Variants in EEA1 observed in about 807,000 individuals in gnomAD.
The protein encoded by EEA1 is early endosome antigen 1, also known as early endosome antigen 1, 162kD.
A neutral mutation model predicts 209.2 loss-of-function variants in EEA1; 111 were observed. The ratio of observed to expected loss-of-function variants is 0.53; its 90% confidence interval spans 0.45 to 0.62. EEA1 has a LOEUF of 0.62. EEA1 is among the 20% of genes least tolerant of loss of function. EEA1 has a pLI of 0.00. For missense variants in EEA1, 1,343 were observed against 1,530.8 expected, an observed-to-expected ratio of 0.88 and a Z score of 2.05; for synonymous variants, 536 against 540.6, an observed-to-expected ratio of 0.99 and a Z score of 0.12.
chr12:92,791,268 T>G (rs1874390584), intron 21 of EEA1, among the ~76,000 whole-genome samples: 1 of 152,074 alleles, frequency 6.6e-6, no homozygotes, highest in Non-Finnish European at 1.5e-5. Flanking sequence ...AATTCACACA[T>G]AACAATATTA....
chr12:92,828,538 C>T (rs1003566753), intron 11 of EEA1, among the ~76,000 whole-genome samples: 1 of 151,236 alleles, frequency 6.6e-6, no homozygotes, highest in African/African-American at 2.4e-5. Flanking sequence ...ATTCCCAAGT[C>T]CTCATACTGG....
chr12:92,803,517 C>A (rs1875039214), intron 18 of EEA1, among the ~76,000 whole-genome samples: 1 of 151,978 alleles, frequency 6.6e-6, no homozygotes, highest in African/African-American at 2.4e-5. Context: ...AACAGTATTT[C>A]TAGAATGCAC....
Position 92,773,062 on chromosome 12 carries a change from C to T in EEA1, c.*2949G>A, listed in dbSNP as rs1389879364. The T allele has an allele frequency of 6.6e-6, 1 of 152,128 alleles. No individual in the cohort carries two copies. Among genetic ancestry groups the T allele is most frequent in the East Asian group, 1.9e-4 (1 of 5,198 alleles). 9.4% of individuals were successfully genotyped at this position (152,128 alleles called of 1,614,324 possible). On this transcript the variant is annotated 3_prime_UTR_variant, in exon 29 of 29. Transcript: ENST00000322349. ...GTTATAATTACAGAATACCATTCATCAAGCTCATGTCTAGGAATACTATAA... is the reference window on the plus strand; with the variant it reads ...GTTATAATTACAGAATACCATTCATTAAGCTCATGTCTAGGAATACTATAA...
In EEA1 at chr12:92,771,399, T is replaced by A. The variant is rs1257380643; in HGVS notation, c.*4612A>T. On this transcript the variant is annotated 3_prime_UTR_variant, in exon 29 of 29. Transcript: ENST00000322349. ...ATGCAAACAAAGCAGTAAAGACAAGTGCAGCAGAAAGGCTTTTGTACAAGG... is the reference window on the plus strand; with the variant it reads ...ATGCAAACAAAGCAGTAAAGACAAGAGCAGCAGAAAGGCTTTTGTACAAGG... 1 of 151,964 alleles carries A rather than the reference T, an allele frequency of 6.6e-6. No individual in the cohort carries two copies. 9.4% of individuals were successfully genotyped at this position (151,964 alleles called of 1,614,324 possible). A position where few individuals can be genotyped will look rare whatever the true frequency, so the allele number is the denominator to read the frequency against.
At chr12:92,815,069 G>A (rs1320195966) in intron 15 of EEA1, among the ~76,000 whole-genome samples, 1 of 152,212 alleles carries the variant, frequency 6.6e-6, no homozygotes, top group South Asian at 2.1e-4. Context: ...CCTACTTTAT[G>A]AACTAACACT....
chr12:92,883,671 C>A, intron 2 of EEA1: 1 of 667,660 alleles, frequency 1.5e-6, no homozygotes, highest in South Asian at 2.1e-5. Flanking sequence ...CTCTATCTTA[C>A]TTTATCGTAA....
chr12:92,923,265 G>A (rs1241280092), intron 1 of EEA1, among the ~76,000 whole-genome samples: 2 of 151,616 alleles, frequency 1.3e-5, no homozygotes, highest in African/African-American at 4.8e-5. Flanking sequence ...GGAGAATGGC[G>A]TGAACCCGGG....
At chr12:92,902,541 G>A (rs1467610965) in intron 1 of EEA1, among the ~76,000 whole-genome samples, 3 of 152,156 alleles carry the variant, frequency 2.0e-5, no homozygotes, top group Admixed American at 6.5e-5. Context: ...AGGAGTTCGA[G>A]ACCAGCCTGG....
chr12:92,928,998 C>T, intron 1 of EEA1, 45 bp downstream of exon 1: 2 of 1,566,560 alleles, frequency 1.3e-6, no homozygotes, highest in Non-Finnish European at 1.7e-6. Context: ...CGAGCTCCGG[C>T]TGTCCCGCTC....
At chr12:92,873,939 CTT>C (rs886102058) in intron 2 of EEA1, among the ~76,000 whole-genome samples, 10 of 151,250 alleles carry the variant, frequency 6.6e-5, no homozygotes, top group Non-Finnish European at 1.2e-4. Flanking sequence ...ATGAGTTCAT[CTT>C]TTTTTTTAAC....
At chr12:92,845,925 T>C (rs540430888) in intron 9 of EEA1, among the ~76,000 whole-genome samples, 7 of 152,292 alleles carry the variant, frequency 4.6e-5, no homozygotes, top group Admixed American at 2.0e-4. Flanking sequence ...GGAAACAATA[T>C]ATTAGATCCT....
At chr12:92,853,111 G>T in intron 6 of EEA1, 86 bp from the exon 7 acceptor site, 1 of 868,430 alleles carries the variant, frequency 1.2e-6, no homozygotes, top group Non-Finnish European at 1.7e-6. Flanking sequence ...CAGTTGTAAA[G>T]ATGATCAACT....
chr12:92,886,998 CAACAAACA>C (rs1555207007), intron 2 of EEA1, among the ~76,000 whole-genome samples: 2 of 150,014 alleles, frequency 1.3e-5, no homozygotes, highest in South Asian at 4.2e-4. Flanking sequence ...GACTCCATCT[CAACAAACA>C]AACAAACAAA....
At chr12:92,835,633 G>A (rs1183134852) in intron 10 of EEA1, among the ~76,000 whole-genome samples, 6 of 151,578 alleles carry the variant, frequency 4.0e-5, no homozygotes, top group South Asian at 4.2e-4. Flanking sequence ...AGCTGGTCTC[G>A]ATCTCCTGAC....
chr12:92,881,777 T>C (rs759626655), intron 2 of EEA1, among the ~76,000 whole-genome samples: 18 of 152,178 alleles, frequency 1.2e-4, no homozygotes, highest in Admixed American at 7.2e-4. Context: ...GTCTGAACTG[T>C]CCTGATGAAA....
Position 92,819,412 on chromosome 12 carries a change from G to A in EEA1, c.1624C>T (p.Leu542=), listed in dbSNP as rs759614914. 1.9e-6 allele frequency: 3 copies of A among 1,612,376 alleles called. No individual in the cohort carries two copies. Among genetic ancestry groups the A allele is most frequent in the Non-Finnish European group, 2.5e-6 (3 of 1,179,208 alleles). ...LQKSKENISL[L]EKEREDLYAK... ...TAAAGATCTTCTCTTTCTTTTTCTA[G>A]TAATGAAATATTTTCTTTACTCTTC... Residue 542 remains leucine (L), a synonymous_variant, in exon 14 of 29, where the codon CTA becomes TTA. Transcript: ENST00000322349.
chr12:92,857,417 A>G lies in EEA1; in HGVS notation c.300+14T>C. On this transcript the variant is annotated intron_variant, in intron 4 of 28. Transcript: ENST00000322349. ...ACACTGAAAATAAAAAGGTATAACA[A>G]TTTTTATTCTTACCTTAAGTGAAGC... 2 of 1,589,722 alleles carry G rather than the reference A, an allele frequency of 1.3e-6. No homozygotes were observed. The highest frequency in any genetic ancestry group is 1.7e-6 in the Non-Finnish European group (2 of 1,169,882).
At chr12:92,785,027 T>TAAA (rs33945823) in intron 22 of EEA1, among the ~76,000 whole-genome samples, 81 of 142,702 alleles carry the variant, frequency 5.7e-4, no homozygotes, top group African/African-American at 1.8e-3. Context: ...CATACTTTCT[T>TAAA]AAAAAAAAAA....
intron 26 of EEA1, 96 bp from the exon 27 acceptor site, chr12:92,777,759 A>G: frequency 7.6e-7 from 1 of 1,324,490 alleles, no homozygotes; most frequent in East Asian, 2.5e-5. Flanking sequence ...AATTTAAAAT[A>G]TATGATACAT....
Sources: gnomAD v4.1 joint callset for allele counts (sites outside exome capture counted in the v4.1 genomes callset) on GRCh38, gnomAD v4.1.1 for gene constraint, MANE v1.5 for transcripts, NCBI Gene and HGNC (gene_info 2026-07-23, HGNC 2026-07-21) for gene names.